PPP2R5C: variants seen among roughly 807,000 people sequenced by gnomAD.
PPP2R5C encodes the protein protein phosphatase 2 regulatory subunit B'gamma.
Under a neutral mutation model 68.9 loss-of-function variants are expected in PPP2R5C, and 7 were observed. The observed-to-expected ratio is 0.10, with a 90% CI of 0.06 to 0.19. PPP2R5C has a LOEUF of 0.19. Ranked by LOEUF, PPP2R5C falls within the 10% of genes least tolerant of loss-of-function variation. The pLI is 1.00. For missense variants in PPP2R5C, 348 were observed against 641.3 expected, an observed-to-expected ratio of 0.54 and a Z score of 4.94; for synonymous variants, 210 against 222.2, an observed-to-expected ratio of 0.95 and a Z score of 0.49.
rs2044011859 is a variant in PPP2R5C at position 101,879,440 on chromosome 14, C to G, written c.295-2721C>G. ...GGCTCCTGCTCTGGCCTCTGTATCCCTGATGGGCAGCCCCAGAAACCTCGG... is the reference window on the plus strand; with the variant it reads ...GGCTCCTGCTCTGGCCTCTGTATCCGTGATGGGCAGCCCCAGAAACCTCGG... On this transcript the variant is annotated intron_variant, in intron 2 of 13. Coordinates refer to ENST00000334743, the Ensembl canonical transcript of PPP2R5C. The surrounding 1 kb of genome is among the most constrained non-coding windows in gnomAD (Gnocchi z 4.2). 1 of 152,594 alleles carries G rather than the reference C, an allele frequency of 6.6e-6. No individual in the cohort carries two copies. Among genetic ancestry groups the G allele is most frequent in the Admixed American group, 6.5e-5 (1 of 15,286 alleles). The allele number at this position is 152,594 out of a possible 1,614,324, so 9.5% of individuals were successfully genotyped here. A position where few individuals can be genotyped will look rare whatever the true frequency, so the allele number is the denominator to read the frequency against.
intron 1 of PPP2R5C, among the ~76,000 whole-genome samples, chr14:101,813,369 T>C (rs913639860): frequency 2.0e-5 from 3 of 152,226 alleles, no homozygotes; most frequent in African/African-American, 7.2e-5. Flanking sequence ...TAAAGCTTTA[T>C]TGACAAACAG....
At chr14:101,911,088 G>C (rs1384475254) in intron 11 of PPP2R5C, among the ~76,000 whole-genome samples, 3 of 148,210 alleles carry the variant, frequency 2.0e-5, no homozygotes, top group Non-Finnish European at 3.0e-5. Context: ...GGGAGACAGA[G>C]AGAGACTCCG....
intron 1 of PPP2R5C, among the ~76,000 whole-genome samples, chr14:101,828,512 C>T (rs1001007799): frequency 6.6e-6 from 1 of 152,082 alleles, no homozygotes; most frequent in African/African-American, 2.4e-5. Flanking sequence ...CAAGGATACT[C>T]TGTATGCTTG....
At chr14:101,780,951 T>G (rs1220743907) in intron 2 of PPP2R5C, among the ~76,000 whole-genome samples, 1 of 152,084 alleles carries the variant, frequency 6.6e-6, no homozygotes, top group Non-Finnish European at 1.5e-5. Context: ...ACTGGGTGAT[T>G]TCAGGCGCTC....
chr14:101,866,824 C>G (rs969457218), intron 2 of PPP2R5C, among the ~76,000 whole-genome samples: 1 of 152,116 alleles, frequency 6.6e-6, no homozygotes, highest in African/African-American at 2.4e-5. Flanking sequence ...GTGGCTCATG[C>G]CTATAATCCA....
chr14:101,808,939 G>T (rs2039192968), upstream of PPP2R5C, among the ~76,000 whole-genome samples: 1 of 152,140 alleles, frequency 6.6e-6, no homozygotes, highest in African/African-American at 2.4e-5. Context: ...CAGAAATAAT[G>T]TTTTTCTCCT....
At chr14:101,895,426 T>C (rs1262722518) in intron 8 of PPP2R5C, among the ~76,000 whole-genome samples, 1 of 152,178 alleles carries the variant, frequency 6.6e-6, no homozygotes, top group Non-Finnish European at 1.5e-5. Context: ...TTTCCAAAGC[T>C]TTGTCATCAT....
intron 11 of PPP2R5C, 39 bp downstream of exon 13, chr14:101,909,729 T>C: frequency 6.8e-7 from 1 of 1,468,046 alleles, no homozygotes; most frequent in East Asian, 2.3e-5. Context: ...TTCCAGGATT[T>C]TTTTCTTAAT....
At chr14:101,900,166 C>T (rs1258045131) in intron 8 of PPP2R5C, among the ~76,000 whole-genome samples, 8 of 152,140 alleles carry the variant, frequency 5.3e-5, no homozygotes, top group South Asian at 4.1e-4. Context: ...AGATTACATG[C>T]GTGAGCCACC....
At chr14:101,856,241 C>A (rs570908372) in intron 1 of PPP2R5C, among the ~76,000 whole-genome samples, 2 of 152,304 alleles carry the variant, frequency 1.3e-5, no homozygotes, top group Admixed American at 1.3e-4. Flanking sequence ...CATCCTTCCC[C>A]CTCTGGTCTT....
At chr14:101,787,577 C>T (rs1040614424) in intron 3 of PPP2R5C, among the ~76,000 whole-genome samples, 4 of 143,614 alleles carry the variant, frequency 2.8e-5, no homozygotes, top group Non-Finnish European at 6.0e-5. Context: ...TCCTGGCTAA[C>T]ATGGTGAAAC....
At position 101,917,547 on chromosome 14, in the gene PPP2R5C, A is replaced by G. The variant is rs1374538863; in HGVS notation, c.1327-284A>G. 6.6e-6 allele frequency among the ~76,000 whole-genome samples: 1 copy of G among 151,414 alleles called. No individual in the cohort carries two copies. The highest frequency in any genetic ancestry group is 2.4e-5 in the African/African-American group (1 of 40,886). ...GCTGCTCACGTGGAGTCAGAACTGC[A>G]GAGGCCATGGGGTGTGGGCCAGGGT... On this transcript the variant is annotated intron_variant, in intron 12 of 13. Transcript: ENST00000334743. The surrounding 1 kb of genome is among the most constrained non-coding windows in gnomAD (Gnocchi z 4.4).
At chr14:101,924,008 A>G (rs1483772157) in intron 13 of PPP2R5C, among the ~76,000 whole-genome samples, 2 of 152,270 alleles carry the variant, frequency 1.3e-5, no homozygotes, top group Non-Finnish European at 2.9e-5. Flanking sequence ...TACACTGAAC[A>G]AAAAGGAAGA....
At chr14:101,805,214 C>T (rs1425204149), upstream of PPP2R5C, among the ~76,000 whole-genome samples, 3 of 152,214 alleles carry the variant, frequency 2.0e-5, no homozygotes, top group Admixed American at 6.5e-5. Flanking sequence ...TACAGGCACG[C>T]ACCACCAGGC....
intron 2 of PPP2R5C, among the ~76,000 whole-genome samples, chr14:101,767,480 G>A (rs982556997): frequency 4.6e-5 from 7 of 152,156 alleles, no homozygotes; most frequent in African/African-American, 1.7e-4. Flanking sequence ...CTCCTCCAAG[G>A]AGAGCCCCTG....
At chr14:101,908,455 C>T (rs2046188642) in intron 10 of PPP2R5C, among the ~76,000 whole-genome samples, 1 of 152,154 alleles carries the variant, frequency 6.6e-6, no homozygotes, top group Admixed American at 6.5e-5. Flanking sequence ...CTCACTGCAG[C>T]CTCCACCTCC....
At position 101,818,867 on chromosome 14, in the gene PPP2R5C, C is replaced by T. The variant is rs910607533; in HGVS notation, c.94+8831C>T. On this transcript the variant is annotated intron_variant, in intron 1 of 13. Coordinates refer to ENST00000334743, the Ensembl canonical transcript of PPP2R5C. ...TGATTAGGTTTTTTCAGTTTGTCAT[C>T]GATGTATGTGACCTCGTTATAATAC... 8.6e-6 allele frequency: 6 copies of T among 697,864 alleles called. No homozygotes were observed. In the African/African-American group the frequency reaches 9.0e-5, roughly 10 times the overall value. The allele number at this position is 697,864 out of a possible 1,614,324, so 43.2% of individuals were successfully genotyped here.
intron 2 of PPP2R5C, among the ~76,000 whole-genome samples, chr14:101,770,370 T>C (rs773046729): frequency 6.6e-6 from 1 of 152,220 alleles, no homozygotes; most frequent in Non-Finnish European, 1.5e-5. Context: ...TCCATCATTT[T>C]TGAAGTGTAG....
exon 14 of PPP2R5C, chr14:101,925,407 G>A (rs1484914314): frequency 2.8e-5 from 39 of 1,384,654 alleles, no homozygotes; most frequent in Non-Finnish European, 3.4e-5. Flanking sequence ...AATAACGTGC[G>A]TCCGCCTCAG....
Sources: allele counts gnomAD v4.1 joint callset (sites outside exome capture counted in the v4.1 genomes callset), GRCh38; gene constraint gnomAD v4.1.1; non-coding constraint Gnocchi (gnomAD v3.1); transcripts MANE v1.5; gene names NCBI Gene and HGNC (gene_info 2026-07-23, HGNC 2026-07-21).